The following ULK4 variants were observed in gnomAD, a reference collection of about 807,000 sequenced individuals.
The protein encoded by ULK4 is unc-51 like kinase 4.
In ULK4, 133 loss-of-function variants were observed where a neutral mutation model predicts 160.6. That is an observed-to-expected ratio of 0.83 (90% confidence interval 0.72 to 0.96). The LOEUF (loss-of-function observed/expected upper bound fraction) is 0.96. ULK4 is among the 40% of genes least tolerant of loss of function. The pLI is 0.00. For missense variants in ULK4, 1,580 were observed against 1,499.5 expected (o/e 1.05, Z -0.89); for synonymous variants, 534 against 539.8 (o/e 0.99, Z 0.15).
chr3:41,562,326 A>T (rs936487326), intron 32 of ULK4, among the ~76,000 whole-genome samples: 4 of 152,162 alleles, frequency 2.6e-5, no homozygotes, highest in Admixed American at 1.3e-4. Context: ...GCTGAGGAGA[A>T]TGTATTTTCT....
intron 35 of ULK4, among the ~76,000 whole-genome samples, chr3:41,266,736 TAAATAAAGGCAGGA>T (rs887251788): frequency 1.3e-5 from 2 of 152,118 alleles, no homozygotes; most frequent in African/African-American, 4.8e-5. Context: ...AGGTTTTCAT[TAAATAAAGGCAGGA>T]AAATAAATTA....
intron 31 of ULK4, among the ~76,000 whole-genome samples, chr3:41,599,732 T>A (rs754432937): frequency 2.0e-5 from 3 of 151,932 alleles, no homozygotes; most frequent in Non-Finnish European, 2.9e-5. Flanking sequence ...GCCCAGCTAA[T>A]TTTTGTATTT....
chr3:41,379,746 T>G (rs774950131), intron 35 of ULK4, among the ~76,000 whole-genome samples: 9 of 152,112 alleles, frequency 5.9e-5, no homozygotes, highest in Non-Finnish European at 1.2e-4. Context: ...AAAATCAAAG[T>G]AAATGTGCAC....
intron 2 of ULK4, among the ~76,000 whole-genome samples, chr3:41,953,304 ATTTT>A (rs60007502): frequency 0.042 from 5,174 of 124,646 alleles, 321 homozygotes; most frequent in African/African-American, 0.15. Context: ...ATATATATAT[ATTTT>A]TTTTTTTTTT....
intron 35 of ULK4, among the ~76,000 whole-genome samples, chr3:41,338,097 G>C (rs774426743): frequency 3.9e-5 from 6 of 152,250 alleles, no homozygotes; most frequent in Non-Finnish European, 8.8e-5. Context: ...GCTTTGCAAA[G>C]AGAGCCTTTC....
At chr3:41,862,704 C>G (rs958058592) in intron 17 of ULK4, among the ~76,000 whole-genome samples, 1 of 152,058 alleles carries the variant, frequency 6.6e-6, no homozygotes, top group Non-Finnish European at 1.5e-5. Context: ...TCTAGATCAC[C>G]AGGCAGACAC....
chr3:41,825,491 T>C (rs375641823), intron 18 of ULK4, among the ~76,000 whole-genome samples: 4 of 152,286 alleles, frequency 2.6e-5, no homozygotes, highest in South Asian at 4.1e-4. Context: ...CTGAAAACCA[T>C]GGCACAAGAA....
chr3:41,430,475 C>T (rs749526778), intron 34 of ULK4, among the ~76,000 whole-genome samples: 1 of 152,106 alleles, frequency 6.6e-6, no homozygotes, highest in Non-Finnish European at 1.5e-5. Flanking sequence ...ATCTGCAAGG[C>T]GCCACAGGAG....
At chr3:41,658,604 G>A (rs753801042) in intron 30 of ULK4, among the ~76,000 whole-genome samples, 5 of 152,172 alleles carry the variant, frequency 3.3e-5, no homozygotes, top group South Asian at 2.1e-4. Context: ...AAAATGCAAC[G>A]CTATGTATCT....
intron 17 of ULK4, among the ~76,000 whole-genome samples, chr3:41,875,829 C>T (rs542831352): frequency 2.3e-4 from 35 of 151,958 alleles, no homozygotes; most frequent in African/African-American, 8.4e-4. Flanking sequence ...AAAGATGTAC[C>T]TTTACAATGG....
chr3:41,824,822 T>A (rs912571267), intron 18 of ULK4, among the ~76,000 whole-genome samples: 1 of 152,142 alleles, frequency 6.6e-6, no homozygotes, highest in Non-Finnish European at 1.5e-5. Flanking sequence ...GAGTAGTGGT[T>A]CTCCCAGCAC....
At chr3:41,524,663 G>A (rs1449221702) in intron 32 of ULK4, among the ~76,000 whole-genome samples, 1 of 152,100 alleles carries the variant, frequency 6.6e-6, no homozygotes, top group Non-Finnish European at 1.5e-5. Flanking sequence ...GGGGCAGCCG[G>A]GTGGAGTGGT....
At chr3:41,938,398 C>T (rs761137035) in intron 2 of ULK4, among the ~76,000 whole-genome samples, 113 of 152,164 alleles carry the variant, frequency 7.4e-4, no homozygotes, top group Middle Eastern at 3.4e-3. Flanking sequence ...ACTTTTCTGG[C>T]GGTGCAAGAT....
At position 41,507,938 on chromosome 3, in the gene ULK4, A is replaced by T. The variant is rs557584621; in HGVS notation, c.3227-44685T>A. On this transcript the variant is annotated intron_variant, in intron 32 of 36. Transcript: ENST00000301831. ...TACCAGGAAGGCTGAGAGCATCCAT[A>T]GACCCTTTGAAGGAACTGAATTGCC... Among the ~76,000 whole-genome samples, 5 of 152,346 alleles carry T rather than the reference A, an allele frequency of 3.3e-5. No homozygotes were observed. The South Asian group carries it at 1.0e-3, about 32-fold the overall frequency.
intron 34 of ULK4, among the ~76,000 whole-genome samples, chr3:41,430,237 A>T (rs902648179): frequency 1.3e-5 from 2 of 152,244 alleles, no homozygotes; most frequent in East Asian, 3.8e-4. Flanking sequence ...TACAACTGAA[A>T]GAAGAAAATT....
At chr3:41,712,242 A>C (rs1032050321) in intron 25 of ULK4, among the ~76,000 whole-genome samples, 48 of 152,224 alleles carry the variant, frequency 3.2e-4, no homozygotes, top group Admixed American at 3.1e-3. Context: ...CCCTAGTGCC[A>C]TTATAAAAAT....
At chr3:41,785,944 G>T (rs1276099199) in intron 21 of ULK4, among the ~76,000 whole-genome samples, 1 of 151,690 alleles carries the variant, frequency 6.6e-6, no homozygotes, top group African/African-American at 2.4e-5. Flanking sequence ...CTTCAGGAAG[G>T]CTGAACCACA....
intron 30 of ULK4, among the ~76,000 whole-genome samples, chr3:41,642,986 C>A (rs1210691408): frequency 6.6e-6 from 1 of 152,184 alleles, no homozygotes; most frequent in African/African-American, 2.4e-5. Flanking sequence ...GCATAAATGT[C>A]TCCTTTTGAG....
chr3:41,888,662 C>T (rs901139952), intron 16 of ULK4, among the ~76,000 whole-genome samples: 14 of 152,186 alleles, frequency 9.2e-5, no homozygotes, highest in African/African-American at 2.7e-4. Flanking sequence ...CCCTGGCCTC[C>T]GGGGTAAACG....
Sources: allele counts gnomAD v4.1 joint callset (sites outside exome capture counted in the v4.1 genomes callset), GRCh38; gene constraint gnomAD v4.1.1; transcripts MANE v1.5; gene names NCBI Gene and HGNC (gene_info 2026-07-23, HGNC 2026-07-21).